TMEM117: variants seen among roughly 807,000 people sequenced by gnomAD.
TMEM117 encodes the protein transmembrane protein 117.
Under a neutral mutation model 52.4 loss-of-function variants are expected in TMEM117, and 27 were observed. The observed-to-expected ratio is 0.51, with a 90% CI of 0.38 to 0.71. TMEM117 has a LOEUF of 0.71. Among genes scored for constraint, TMEM117 ranks in the 30% least tolerant of loss-of-function variants. The pLI, the probability that TMEM117 is intolerant of heterozygous loss-of-function variation, is 0.00. For synonymous variants in TMEM117, 215 were observed against 206.3 expected (o/e 1.04, Z -0.36); for missense variants, 556 against 630.5 (o/e 0.88, Z 1.26).
intron 5 of TMEM117, among the ~76,000 whole-genome samples, chr12:44,219,498 G>C (rs1332503512): frequency 6.6e-6 from 1 of 152,112 alleles, no homozygotes; most frequent in Non-Finnish European, 1.5e-5. Flanking sequence ...ACAGTATATA[G>C]TTCAATTTGC....
At chr12:43,958,133 T>A (rs1592393053) in intron 3 of TMEM117, among the ~76,000 whole-genome samples, 1 of 152,230 alleles carries the variant, frequency 6.6e-6, no homozygotes, top group Non-Finnish European at 1.5e-5. Flanking sequence ...TTGGCCCCTT[T>A]TACTTTATGT....
chr12:44,048,071 T>A (rs939692232), intron 3 of TMEM117, among the ~76,000 whole-genome samples: 3 of 152,176 alleles, frequency 2.0e-5, no homozygotes, highest in Non-Finnish European at 4.4e-5. Flanking sequence ...CTATTGAAAT[T>A]ATTGAAATTT....
intron 3 of TMEM117, among the ~76,000 whole-genome samples, chr12:43,966,627 A>T (rs981865542): frequency 2.0e-5 from 3 of 152,200 alleles, no homozygotes; most frequent in African/African-American, 7.2e-5. Flanking sequence ...TTTGCAGCCA[A>T]GTTCAGTACT....
At chr12:43,841,464 G>T (rs1460507175) in intron 1 of TMEM117, among the ~76,000 whole-genome samples, 1 of 152,136 alleles carries the variant, frequency 6.6e-6, no homozygotes, top group Non-Finnish European at 1.5e-5. Context: ...ATGTACTAGT[G>T]CAGGATTATT....
chr12:43,796,403 AAT>A, the TMEM117 span, among the ~76,000 whole-genome samples: 2 of 152,108 alleles, frequency 1.3e-5, no homozygotes, highest in Admixed American at 6.5e-5. Context: ...AGGGCTCAAG[AAT>A]ATATATCTTT....
chr12:44,024,036 C>T (rs1346514022), intron 3 of TMEM117, among the ~76,000 whole-genome samples: 2 of 152,106 alleles, frequency 1.3e-5, no homozygotes, highest in Admixed American at 6.5e-5. Context: ...CTGACATCTG[C>T]TCGTTCCACA....
intron 5 of TMEM117, among the ~76,000 whole-genome samples, chr12:44,255,355 TATGCAGCCAAAAAAC>T (rs1453753666): frequency 2.6e-5 from 4 of 152,070 alleles, no homozygotes; most frequent in African/African-American, 9.7e-5. Flanking sequence ...AGAAGACATT[TATGCAGCCAAAAAAC>T]ACATGAAAAA....
intron 2 of TMEM117, among the ~76,000 whole-genome samples, chr12:43,891,673 C>A (rs965019520): frequency 1.3e-5 from 2 of 152,074 alleles, no homozygotes; most frequent in East Asian, 3.9e-4. Context: ...GCCAGAAATA[C>A]CTCTTGAATT....
the TMEM117 span, among the ~76,000 whole-genome samples, chr12:43,803,983 T>C: frequency 6.6e-6 from 1 of 152,160 alleles, no homozygotes; most frequent in Non-Finnish European, 1.5e-5. Flanking sequence ...TTTACAGAAT[T>C]ATTTTTAAAG....
chr12:44,262,979 G>T (rs976449450), intron 5 of TMEM117, among the ~76,000 whole-genome samples: 9 of 152,144 alleles, frequency 5.9e-5, no homozygotes, highest in African/African-American at 1.7e-4. Context: ...ACCAGACTTT[G>T]TTTTAATCTG....
rs1945092036 is a variant in TMEM117, at chr12:43,944,274, C to G, written c.342C>G (p.Ser114Arg). 1 of 1,613,122 alleles carries G rather than the reference C, an allele frequency of 6.2e-7. No homozygotes were observed. Among genetic ancestry groups the G allele is most frequent in the South Asian group, 1.1e-5 (1 of 91,034 alleles). ...GGTCGTGGATGACAATGTTCTTCAG[C>G]ACAATTCTCTTTCTCTTCATATTTT... ...DHGSWMTMFF[S>R]TILFLFIFSH... Residue 114 changes from serine to arginine, a missense_variant, in exon 3 of 8, where the codon AGC becomes AGG. Ser to Arg is a moderately radical substitution (Grantham distance 110, BLOSUM62 -1). Transcript: ENST00000266534.
At chr12:43,989,461 A>G (rs774448258) in intron 3 of TMEM117, among the ~76,000 whole-genome samples, 3 of 152,002 alleles carry the variant, frequency 2.0e-5, no homozygotes, top group East Asian at 1.9e-4. Flanking sequence ...TTAAACGGCA[A>G]TCTTATTCTA....
At chr12:43,875,621 G>A (rs1000509182) in intron 2 of TMEM117, among the ~76,000 whole-genome samples, 5 of 152,018 alleles carry the variant, frequency 3.3e-5, no homozygotes, top group African/African-American at 1.2e-4. Context: ...CTTTTCCTCT[G>A]ACTGTGACTT....
intron 3 of TMEM117, among the ~76,000 whole-genome samples, chr12:44,062,430 T>C (rs918021182): frequency 6.6e-6 from 1 of 152,220 alleles, no homozygotes; most frequent in Admixed American, 6.5e-5. Context: ...AAAGTATCTA[T>C]ATAGATGTGC....
chr12:44,266,748 G>T (rs2138555217), intron 5 of TMEM117, among the ~76,000 whole-genome samples: 1 of 152,120 alleles, frequency 6.6e-6, no homozygotes, highest in Non-Finnish European at 1.5e-5. Flanking sequence ...TATAGCTTTA[G>T]CTCTTATATT....
chr12:44,287,794 A>C (rs1343543060), intron 5 of TMEM117, among the ~76,000 whole-genome samples: 3 of 152,228 alleles, frequency 2.0e-5, no homozygotes, highest in South Asian at 4.1e-4. Context: ...TATATGTTAC[A>C]TAATTTATAA....
intron 4 of TMEM117, among the ~76,000 whole-genome samples, chr12:44,189,663 G>T (rs116559958): frequency 0.01 from 1,532 of 152,304 alleles, 10 homozygotes; most frequent in African/African-American, 0.016. Flanking sequence ...TAAAAGGGAA[G>T]TAAAAAGGTT....
chr12:44,045,580 A>T (rs1946868791), intron 3 of TMEM117, among the ~76,000 whole-genome samples: 1 of 152,058 alleles, frequency 6.6e-6, no homozygotes, highest in Non-Finnish European at 1.5e-5. Flanking sequence ...ACAGTGATTC[A>T]CGCTTCTAAT....
At chr12:43,860,671 G>A (rs990420777) in intron 2 of TMEM117, among the ~76,000 whole-genome samples, 21 of 152,230 alleles carry the variant, frequency 1.4e-4, no homozygotes, top group African/African-American at 5.1e-4. Flanking sequence ...AGGTGGCAAG[G>A]AGGTCAGTGG....
Sources: gnomAD v4.1 joint callset for allele counts (sites outside exome capture counted in the v4.1 genomes callset) on GRCh38, gnomAD v4.1.1 for gene constraint, MANE v1.5 for transcripts, NCBI Gene and HGNC (gene_info 2026-07-23, HGNC 2026-07-21) for gene names.